CSMD1: variants seen among roughly 807,000 people sequenced by gnomAD.
CSMD1 encodes the protein CUB and Sushi multiple domains 1, also known as CUB and sushi domain-containing protein 1.
A neutral mutation model predicts 417.5 loss-of-function variants in CSMD1; 213 were observed. The observed-to-expected ratio is 0.51, with a 90% confidence interval of 0.46 to 0.57. The LOEUF is 0.57. Ranked by LOEUF, CSMD1 falls within the 20% of genes least tolerant of loss-of-function variation. CSMD1 has a pLI of 0.00. For missense variants in CSMD1, 6,923 were observed against 4,529.7 expected, an observed-to-expected ratio of 1.53 and a Z score of -15.17; for synonymous variants, 2,862 against 1,736.8, an observed-to-expected ratio of 1.65 and a Z score of -16.11.
intron 12 of CSMD1, among the ~76,000 whole-genome samples, chr8:3,462,285 C>A (rs913450222): frequency 6.6e-6 from 1 of 152,168 alleles, no homozygotes; most frequent in African/African-American, 2.4e-5. Context: ...ACAGTGCCAT[C>A]CTAGCTCCAG....
intron 41 of CSMD1, among the ~76,000 whole-genome samples, chr8:3,135,202 A>T (rs1009506632): frequency 2.0e-5 from 3 of 152,228 alleles, no homozygotes; most frequent in Non-Finnish European, 4.4e-5. Context: ...TTTTTAATAT[A>T]GTAAAACAGG....
intron 23 of CSMD1, among the ~76,000 whole-genome samples, chr8:3,332,889 C>G (rs1354259787): frequency 1.3e-5 from 2 of 152,168 alleles, no homozygotes; most frequent in African/African-American, 4.8e-5. Context: ...CTGAACATGG[C>G]AAGTGTGAGA....
intron 2 of CSMD1, among the ~76,000 whole-genome samples, chr8:4,469,776 G>A (rs1249036405): frequency 5.3e-5 from 8 of 152,008 alleles, no homozygotes; most frequent in Admixed American, 1.3e-4. Context: ...TATGCCAGGC[G>A]ACAGCACTCC....
chr8:4,341,709 T>A (rs926463713), intron 3 of CSMD1, among the ~76,000 whole-genome samples: 4 of 152,136 alleles, frequency 2.6e-5, no homozygotes, highest in Non-Finnish European at 5.9e-5. Context: ...CTAAGATTAG[T>A]CAATATGTTT....
At position 3,190,614 on chromosome 8, in the gene CSMD1, A is replaced by C. The variant is rs1217020192; in HGVS notation, c.5195-499T>G. Among the ~76,000 whole-genome samples, 4 of 152,284 alleles carry C rather than the reference A, an allele frequency of 2.6e-5. No homozygotes were observed. The East Asian group carries it at 7.7e-4, about 29-fold the overall frequency. ...AATAAAAATCTTAAACTACCATCAG[A>C]TCCAGCAATCCCACTCGTGTATACT... On this transcript the variant is annotated intron_variant, in intron 33 of 69. Transcript: ENST00000635120.
intron 4 of CSMD1, among the ~76,000 whole-genome samples, chr8:4,021,224 G>C (rs1364782671): frequency 6.6e-6 from 1 of 152,176 alleles, no homozygotes; most frequent in East Asian, 1.9e-4. Context: ...TTTGAAACTA[G>C]CATCTTTTGA....
At chr8:4,539,156 G>A (rs1797254421) in intron 2 of CSMD1, among the ~76,000 whole-genome samples, 1 of 152,034 alleles carries the variant, frequency 6.6e-6, no homozygotes, top group Admixed American at 6.5e-5. Flanking sequence ...TTTTTTTGTG[G>A]GTGAATTAAC....
intron 3 of CSMD1, among the ~76,000 whole-genome samples, chr8:4,190,311 T>A (rs1798945320): frequency 2.0e-5 from 3 of 148,168 alleles, no homozygotes; most frequent in African/African-American, 5.0e-5. Context: ...TTTACTTACA[T>A]CTAAGCCCTA....
chr8:2,978,718 T>A lies in CSMD1; in HGVS notation c.8460A>T (p.Gly2820=). The part of the protein sequence containing the change: ...QQNFPESFEY[G]MSILYHCKKG... The stretch of plus-strand genomic sequence containing the variant: ...TCTTGCAATGGTACAGGATACTCAT[T>A]CCATACTCAAAACTCTCAGGGAAGT... Residue 2820 remains glycine, a synonymous_variant, in exon 55 of 70, where the codon GGA becomes GGT. Transcript: ENST00000635120. 6.2e-7 allele frequency: 1 copy of A among 1,613,220 alleles called. No individual in the cohort carries two copies. Among genetic ancestry groups the A allele is most frequent in the Non-Finnish European group, 8.5e-7 (1 of 1,179,642 alleles).
chr8:3,586,291 C>G (rs374757740), intron 8 of CSMD1, 31 bp from the exon 9 acceptor site: 8 of 1,528,158 alleles, frequency 5.2e-6, no homozygotes, highest in Non-Finnish European at 6.1e-6. Context: ...AAAAAAAACC[C>G]AAATTATTTA....
intron 2 of CSMD1, among the ~76,000 whole-genome samples, chr8:4,486,511 T>C (rs1302159623): frequency 6.6e-6 from 1 of 151,940 alleles, no homozygotes; most frequent in East Asian, 1.9e-4. Flanking sequence ...GTGATGTTTA[T>C]ATTGTACATT....
At chr8:4,764,885 A>AAAAAAAAAAAAACAAAAAAAAAC (rs1812348603) in intron 1 of CSMD1, among the ~76,000 whole-genome samples, 2 of 74,808 alleles carry the variant, frequency 2.7e-5, no homozygotes, top group Non-Finnish European at 4.4e-5. Flanking sequence ...AAAAAAAAAA[A>AAAAAAAAAAAAACAAAAAAAAAC]AAAAAAAAAC....
chr8:3,631,671 T>C (rs923100655), intron 7 of CSMD1, among the ~76,000 whole-genome samples: 2 of 152,208 alleles, frequency 1.3e-5, no homozygotes, highest in Non-Finnish European at 2.9e-5. Context: ...GGTGGAATAA[T>C]GGAAGATTGA....
At chr8:4,972,288 A>C (rs2117387580) in intron 1 of CSMD1, among the ~76,000 whole-genome samples, 1 of 152,092 alleles carries the variant, frequency 6.6e-6, no homozygotes, top group Admixed American at 6.6e-5. Flanking sequence ...CACCACCAAA[A>C]ATTTCATCTT....
intron 23 of CSMD1, among the ~76,000 whole-genome samples, chr8:3,320,178 G>A (rs938090265): frequency 6.6e-6 from 1 of 152,288 alleles, no homozygotes. Context: ...ACAAAATAAT[G>A]ACGATTATAA....
intron 5 of CSMD1, among the ~76,000 whole-genome samples, chr8:3,989,341 G>C (rs541587875): frequency 2.0e-5 from 3 of 152,268 alleles, no homozygotes; most frequent in African/African-American, 7.2e-5. Flanking sequence ...AGTCATCTTG[G>C]CTTAGCAACT....
intron 1 of CSMD1, among the ~76,000 whole-genome samples, chr8:4,790,411 C>G (rs1797628496): frequency 6.6e-6 from 1 of 152,100 alleles, no homozygotes. Context: ...CTTCCCAGAG[C>G]AATTTACAGA....
intron 5 of CSMD1, among the ~76,000 whole-genome samples, chr8:3,763,855 C>T (rs992966794): frequency 6.6e-6 from 1 of 152,146 alleles, no homozygotes; most frequent in Non-Finnish European, 1.5e-5. Context: ...GGAATGATTT[C>T]CTCCAAAGCC....
At chr8:4,377,936 G>A (rs998651155) in intron 3 of CSMD1, among the ~76,000 whole-genome samples, 3 of 152,170 alleles carry the variant, frequency 2.0e-5, no homozygotes. Context: ...CTTAACAAAT[G>A]GCCCTCATAA....
Sources: allele counts gnomAD v4.1 joint callset (sites outside exome capture counted in the v4.1 genomes callset), GRCh38; gene constraint gnomAD v4.1.1; transcripts MANE v1.5; gene names NCBI Gene and HGNC (gene_info 2026-07-23, HGNC 2026-07-21).